The following WWOX variants were observed in gnomAD, a reference collection of about 807,000 sequenced individuals.
The protein encoded by WWOX is WW domain containing oxidoreductase, also known as WW domain-containing oxidoreductase.
A neutral mutation model predicts 46.2 loss-of-function variants in WWOX; 69 were observed. That is an observed-to-expected ratio of 1.49 (90% CI 1.23 to 1.82). The LOEUF is 1.82. WWOX is among the 40% of genes most tolerant of loss of function. WWOX has a pLI of 0.00. For synonymous variants in WWOX, 359 were observed against 202.6 expected, an observed-to-expected ratio of 1.77 and a Z score of -6.56; for missense variants, 919 against 542.6, an observed-to-expected ratio of 1.69 and a Z score of -6.89.
chr16:78,462,560 A>T (rs1029316263), intron 8 of WWOX, among the ~76,000 whole-genome samples: 2 of 152,218 alleles, frequency 1.3e-5, no homozygotes, highest in African/African-American at 4.8e-5. Flanking sequence ...TCTGCAAATG[A>T]CAGCCGCCGT....
intron 8 of WWOX, among the ~76,000 whole-genome samples, chr16:78,746,657 G>C (rs147748370): frequency 6.4e-4 from 97 of 151,888 alleles, no homozygotes; most frequent in African/African-American, 2.3e-3. Context: ...AGATGTGCTT[G>C]CATGATTGGC....
At position 79,110,200 on chromosome 16, in the gene WWOX, T is replaced by G. The variant is rs549315342; in HGVS notation, c.1057-101408T>G. On this transcript the variant is annotated intron_variant, in intron 8 of 8. Coordinates refer to ENST00000566780, the MANE Select transcript of WWOX (RefSeq NM_016373.4). ...CCCATGAACATCTGTCAGAAAACTTTCACTGATTGGCAACCACCAGGCAGG... is the reference window on the plus strand; with the variant it reads ...CCCATGAACATCTGTCAGAAAACTTGCACTGATTGGCAACCACCAGGCAGG... 4.6e-5 allele frequency among the ~76,000 whole-genome samples: 7 copies of G among 152,304 alleles called. No individual in the cohort carries two copies. The South Asian group carries it at 1.2e-3, about 27-fold the overall frequency.
chr16:78,365,137 A>C (rs370369617), intron 5 of WWOX, among the ~76,000 whole-genome samples: 93 of 152,296 alleles, frequency 6.1e-4, no homozygotes, highest in African/African-American at 2.1e-3. Context: ...GCTAATACCT[A>C]CTTCTTGAAG....
At chr16:78,795,033 G>T (rs989243122) in intron 8 of WWOX, among the ~76,000 whole-genome samples, 1 of 152,210 alleles carries the variant, frequency 6.6e-6, no homozygotes, top group Non-Finnish European at 1.5e-5. Context: ...TCTTTGAGCT[G>T]GCGATTTTTC....
chr16:79,206,121 A>G (rs1408969557), intron 8 of WWOX: 1 of 152,132 alleles, frequency 6.6e-6, no homozygotes, highest in Non-Finnish European at 1.5e-5. Context: ...CCATGAGTAA[A>G]TCAATGGAAA....
intron 8 of WWOX, among the ~76,000 whole-genome samples, chr16:79,182,687 A>C (rs2150789618): frequency 6.6e-6 from 1 of 152,016 alleles, no homozygotes; most frequent in South Asian, 2.1e-4. Context: ...CAAGTTATTA[A>C]CCTCTTTATG....
At chr16:78,748,594 A>G (rs946838876) in intron 8 of WWOX, among the ~76,000 whole-genome samples, 3 of 152,190 alleles carry the variant, frequency 2.0e-5, no homozygotes, top group South Asian at 4.1e-4. Context: ...CGTGATCAAC[A>G]TGCCCTAACT....
At chr16:78,282,539 G>T in intron 5 of WWOX, among the ~76,000 whole-genome samples, 1 of 152,218 alleles carries the variant, frequency 6.6e-6, no homozygotes, top group African/African-American at 2.4e-5. Context: ...ATTTGATGGG[G>T]GTCAGGATGC....
intron 8 of WWOX, chr16:78,896,481 C>T (rs1015358312): frequency 6.6e-6 from 1 of 152,152 alleles, no homozygotes; most frequent in Non-Finnish European, 1.5e-5. Flanking sequence ...CTTCCCCTAC[C>T]CCTTCCGTCA....
intron 6 of WWOX, among the ~76,000 whole-genome samples, chr16:78,423,123 G>A (rs1231179058): frequency 6.6e-6 from 1 of 151,982 alleles, no homozygotes; most frequent in Non-Finnish European, 1.5e-5. Context: ...CTGACCTCGT[G>A]ATTTGCCTGC....
chr16:79,184,066 T>C (rs1437736884), intron 8 of WWOX, among the ~76,000 whole-genome samples: 2 of 152,198 alleles, frequency 1.3e-5, no homozygotes, highest in Admixed American at 6.5e-5. Context: ...AGCATGAACA[T>C]TGTCAAAAGG....
At chr16:78,506,158 G>T (rs187487613) in intron 8 of WWOX, among the ~76,000 whole-genome samples, 48 of 152,306 alleles carry the variant, frequency 3.2e-4, no homozygotes, top group African/African-American at 1.1e-3. Context: ...TTCTGTGGAC[G>T]TGAAAAGACT....
intron 8 of WWOX, among the ~76,000 whole-genome samples, chr16:79,084,513 C>G (rs1479953994): frequency 6.6e-6 from 1 of 152,100 alleles, no homozygotes; most frequent in African/African-American, 2.4e-5. Context: ...CTCTGCAACC[C>G]AGGTTCAGTC....
At chr16:78,772,619 T>C (rs958634265) in intron 8 of WWOX, among the ~76,000 whole-genome samples, 12 of 152,210 alleles carry the variant, frequency 7.9e-5, no homozygotes, top group Admixed American at 2.6e-4. Context: ...AAGTGGTGAT[T>C]GTTATTACCA....
intron 8 of WWOX, among the ~76,000 whole-genome samples, chr16:79,188,065 C>T (rs2051055360): frequency 1.3e-5 from 2 of 152,172 alleles, no homozygotes; most frequent in East Asian, 1.9e-4. Context: ...CTCTTTTCTT[C>T]CCTGAGGTTG....
intron 8 of WWOX, among the ~76,000 whole-genome samples, chr16:78,440,612 G>GTTTTTT (rs57345113): frequency 1.9e-4 from 28 of 144,692 alleles, no homozygotes; most frequent in South Asian, 1.3e-3. Flanking sequence ...AATTTCTGTA[G>GTTTTTT]TTTTTTTTTT....
chr16:78,624,012 T>C (rs2151648297), intron 8 of WWOX, among the ~76,000 whole-genome samples: 1 of 152,246 alleles, frequency 6.6e-6, no homozygotes, highest in South Asian at 2.1e-4. Context: ...CACCATCCAC[T>C]TTATAGATGA....
intron 5 of WWOX, among the ~76,000 whole-genome samples, chr16:78,377,833 T>C (rs144807585): frequency 3.6e-3 from 554 of 152,328 alleles, no homozygotes; most frequent in Non-Finnish European, 5.9e-3. Flanking sequence ...TGTTATCTGG[T>C]GCAATTTCTC....
intron 8 of WWOX, among the ~76,000 whole-genome samples, chr16:78,978,058 C>T (rs758965038): frequency 6.6e-6 from 1 of 152,206 alleles, no homozygotes; most frequent in Non-Finnish European, 1.5e-5. Context: ...TCTTCCCTAC[C>T]ATTCTACCTT....
Sources: gnomAD v4.1 joint callset for allele counts (sites outside exome capture counted in the v4.1 genomes callset) on GRCh38, gnomAD v4.1.1 for gene constraint, MANE v1.5 for transcripts, NCBI Gene and HGNC (gene_info 2026-07-23, HGNC 2026-07-21) for gene names.